PPFIA4: variants seen among roughly 807,000 people sequenced by gnomAD.
PPFIA4 encodes the protein liprin-alpha-4.
Under a neutral mutation model 145.7 loss-of-function variants are expected in PPFIA4, and 98 were observed. The observed-to-expected ratio is 0.67, with a 90% CI of 0.57 to 0.80. The LOEUF (loss-of-function observed/expected upper bound fraction) is 0.80, where lower values mean the gene tolerates loss of function less well. PPFIA4 is among the 30% of genes least tolerant of loss of function. PPFIA4 has a pLI of 0.00. For missense variants in PPFIA4, 1,457 were observed against 1,632.7 expected (o/e 0.89, Z 1.85); for synonymous variants, 628 against 649.6 (o/e 0.97, Z 0.51).
At chr1:203,046,418 C>A in intron 9 of PPFIA4, 36 bp downstream of exon 9, 3 of 1,554,210 alleles carry the variant, frequency 1.9e-6, no homozygotes, top group Non-Finnish European at 2.6e-6. Flanking sequence ...TGCCTCTGTC[C>A]CCCATGTTCT....
intron 2 of PPFIA4, among the ~76,000 whole-genome samples, chr1:203,040,318 C>T (rs553560153): frequency 6.6e-5 from 10 of 152,314 alleles, no homozygotes; most frequent in Non-Finnish European, 1.3e-4. Flanking sequence ...CCAGTGGGGG[C>T]GCTGCTGGGG....
chr1:203,060,929 A>T lies in PPFIA4; in HGVS notation c.2785-41A>T. The T allele has an allele frequency of 6.3e-7, 1 of 1,585,808 alleles. No homozygotes were observed. The highest frequency in any genetic ancestry group is 1.3e-5 in the African/African-American group (1 of 74,452). On this transcript the variant is annotated intron_variant, in intron 22 of 29. Transcript: ENST00000295706. This position sits in a 1 kb window ranked among gnomAD's most constrained non-coding sequence, Gnocchi z 4.8. ...TCCCAGCCTGATGGGGATCCTGGGG[A>T]CCCACACCCAGGACCAGCTAGGTTT... is the stretch of plus-strand genomic sequence containing the variant.
At chr1:203,046,446 G>A in intron 9 of PPFIA4, 64 bp downstream of exon 9, 4 of 1,506,458 alleles carry the variant, frequency 2.7e-6, no homozygotes, top group Non-Finnish European at 3.6e-6. Flanking sequence ...CAGGGAGCCA[G>A]GCAGGGAAGG....
rs756034486 is a variant in PPFIA4 at position 203,044,785 on chromosome 1, G to A, written c.666G>A (p.Lys222=). 5.8e-6 allele frequency: 9 copies of A among 1,559,532 alleles called. No individual in the cohort carries two copies. In the East Asian group the frequency reaches 7.2e-5, roughly 12 times the overall value. The part of the protein sequence containing the change: ...TVELGPKRLW[K]EDTGRVEELQ... ...AGCTGGGGCCGAAACGCCTGTGGAA[G>A]GTAGGTCATGGAGAGCTGTGTAGCA... Residue 222 remains lysine (K), a splice_region_variant and synonymous_variant, in exon 6 of 30, where the codon AAG becomes AAA. Transcript: ENST00000295706.
Position 203,063,861 on chromosome 1 carries a change from A to T in PPFIA4, c.2908A>T (p.Ile970Phe), listed in dbSNP as rs777940451. 2.5e-6 allele frequency: 4 copies of T among 1,613,982 alleles called. No individual in the cohort carries two copies. In the East Asian group the frequency reaches 8.9e-5, roughly 36 times the overall value. Residue 970 changes from isoleucine (I) to phenylalanine (F), a missense_variant, in exon 25 of 30, where the codon ATT (isoleucine) becomes TTT (phenylalanine). Physicochemically the swap from Ile to Phe is conservative, Grantham distance 21. Transcript: ENST00000295706. ...CTATGGGGACATGAACCATGAGTGGATTGGGAATGAATGGCTACCCAGCCT... is the reference window on the plus strand; with the variant it reads ...CTATGGGGACATGAACCATGAGTGGTTTGGGAATGAATGGCTACCCAGCCT... ...LAYGDMNHEWIGNEWLPSLGL... is the reference protein window; with the variant it reads ...LAYGDMNHEWFGNEWLPSLGL...
In PPFIA4 at chr1:203,049,898, C is replaced by A. The variant is rs1029083546; in HGVS notation, c.1511+131C>A. The A allele has an allele frequency of 3.9e-6, 3 of 760,960 alleles. No individual in the cohort carries two copies. The Admixed American group carries it at 1.2e-4, about 30-fold the overall frequency. 47.1% of individuals were successfully genotyped at this position (760,960 alleles called of 1,614,324 possible). On this transcript the variant is annotated intron_variant, in intron 13 of 29. Transcript: ENST00000295706. ...TCCTGTTCAGGGTGGGACACTGAGG[C>A]TCAGATAACTTGGTCAGAGTCACCC...
chr1:203,045,185 T>C (rs1659981720), intron 6 of PPFIA4, among the ~76,000 whole-genome samples, 183 bp from the exon 7 acceptor site: 1 of 152,104 alleles, frequency 6.6e-6, no homozygotes, highest in Non-Finnish European at 1.5e-5. Flanking sequence ...TGTTTGGTCA[T>C]TGTCAGGAGT....
At position 203,045,894 on chromosome 1, in the gene PPFIA4, C is replaced by T; in HGVS notation, c.912C>T (p.Arg304=). 6.2e-7 allele frequency: 1 copy of T among 1,612,866 alleles called. No individual in the cohort carries two copies. The highest frequency in any genetic ancestry group is 2.2e-5 in the East Asian group (1 of 44,866). The change falls in exon 8 of 30, where the codon CGC becomes CGT. Residue 304 remains arginine, a synonymous_variant. Coordinates refer to ENST00000295706, the MANE Select transcript of PPFIA4 (RefSeq NM_001304331.2). ...AGCGGATTACTACACTGGAGAAGCGCTACCTGGCTGCTCAGCGTGAGGCAA... is the reference window on the plus strand; with the variant it reads ...AGCGGATTACTACACTGGAGAAGCGTTACCTGGCTGCTCAGCGTGAGGCAA... ...MEERITTLEK[R]YLAAQREATS...
At chr1:203,035,612 T>A (rs1302587003) in intron 1 of PPFIA4, 1 of 456,710 alleles carries the variant, frequency 2.2e-6, no homozygotes, top group Non-Finnish European at 4.4e-6. Flanking sequence ...CTTTGGGGAC[T>A]GGCAGCTTTC....
Position 203,045,974 on chromosome 1 carries a change from C to G in PPFIA4, c.992C>G (p.Ser331Cys). 1.2e-6 allele frequency: 2 copies of G among 1,612,688 alleles called. No individual in the cohort carries two copies. Among genetic ancestry groups the G allele is most frequent in the Non-Finnish European group, 1.7e-6 (2 of 1,179,868 alleles). Reference sequence around the variant, plus strand: ...GAGAATGAGCTGGCCAACAAGGAGTCCCTGCACCGCCAGGTACCTCCTCAG... The same window carrying G: ...GAGAATGAGCTGGCCAACAAGGAGTGCCTGCACCGCCAGGTACCTCCTCAG... ...KLENELANKESLHRQCEEKAR... is the reference protein window; with the variant it reads ...KLENELANKECLHRQCEEKAR... The change falls in exon 8 of 30, where the codon TCC (serine) becomes TGC (cysteine). Residue 331 changes from serine to cysteine, a missense_variant. Physicochemically the swap from Ser to Cys is moderately radical, Grantham distance 112. Coordinates refer to ENST00000295706, the MANE Select transcript of PPFIA4 (RefSeq NM_001304331.2).
chr1:203,031,125 A>T (rs749909520), intron 1 of PPFIA4, among the ~76,000 whole-genome samples: 8 of 151,796 alleles, frequency 5.3e-5, no homozygotes, highest in Non-Finnish European at 1.0e-4. Context: ...TGGCATGATC[A>T]TGGCTCACTG....
At chr1:203,051,029 G>A (rs972729934) in intron 13 of PPFIA4, among the ~76,000 whole-genome samples, 1 of 152,050 alleles carries the variant, frequency 6.6e-6, no homozygotes, top group Non-Finnish European at 1.5e-5. Context: ...GTCTGTTGTA[G>A]GCTCACTGTG....
chr1:203,058,608 TAAAAG>T (rs1300446837), intron 19 of PPFIA4, among the ~76,000 whole-genome samples: 1 of 152,174 alleles, frequency 6.6e-6, no homozygotes, highest in Non-Finnish European at 1.5e-5. Context: ...GACCGGGACT[TAAAAG>T]AATTCTAAGA....
In PPFIA4 at chr1:203,055,629, G is replaced by T. The variant is rs763076240; in HGVS notation, c.2027G>T (p.Arg676Leu). The T allele has an allele frequency of 1.2e-5, 20 of 1,613,856 alleles. No homozygotes were observed. The highest frequency in any genetic ancestry group is 1.3e-5 in the African/African-American group (1 of 74,910). Reference sequence around the variant, plus strand: ...CGCTCCACACCTAAGCTCACCTCCCGCAGTGCTGCCCAGGACCTGGACCGA... The same window carrying T: ...CGCTCCACACCTAAGCTCACCTCCCTCAGTGCTGCCCAGGACCTGGACCGA... The part of the protein sequence containing the change: ...SGRSTPKLTS[R>L]SAAQDLDRMG... Residue 676 changes from arginine to leucine, a missense_variant, in exon 16 of 30, where the codon CGC becomes CTC. Physicochemically the swap from Arg to Leu is moderately radical, Grantham distance 102. Coordinates refer to ENST00000295706, the MANE Select transcript of PPFIA4 (RefSeq NM_001304331.2). The surrounding 1 kb of genome is among the most constrained non-coding windows in gnomAD (Gnocchi z 4.8).
intron 1 of PPFIA4, among the ~76,000 whole-genome samples, chr1:203,028,036 G>A (rs971928199): frequency 6.6e-6 from 1 of 152,208 alleles, no homozygotes; most frequent in African/African-American, 2.4e-5. Flanking sequence ...GCTTGAGGAG[G>A]CTTCGTGGGG....
intron 19 of PPFIA4, among the ~76,000 whole-genome samples, chr1:203,058,151 G>C (rs947091744): frequency 1.3e-5 from 2 of 152,128 alleles, no homozygotes; most frequent in Admixed American, 1.3e-4. Context: ...TGCATAATTA[G>C]ACCTTTCTGC....
intron 27 of PPFIA4, among the ~76,000 whole-genome samples, chr1:203,069,266 TC>T (rs899897951): frequency 1.3e-5 from 2 of 152,218 alleles, no homozygotes; most frequent in Admixed American, 6.5e-5. Flanking sequence ...CTTTCTAACT[TC>T]CTGTGGGTAA....
chr1:203,061,826 C>T, intron 24 of PPFIA4, 148 bp downstream of exon 24: 2 of 789,714 alleles, frequency 2.5e-6, no homozygotes, highest in Non-Finnish European at 3.8e-6. Context: ...GTGCCCCCCG[C>T]CCCCACCCAG....
chr1:203,034,219 A>T (rs780680435), intron 1 of PPFIA4, among the ~76,000 whole-genome samples: 8 of 152,218 alleles, frequency 5.3e-5, no homozygotes, highest in Non-Finnish European at 1.2e-4. Flanking sequence ...TAAGCTCATG[A>T]GACCAACATG....
Sources: allele counts gnomAD v4.1 joint callset (sites outside exome capture counted in the v4.1 genomes callset), GRCh38; gene constraint gnomAD v4.1.1; non-coding constraint Gnocchi (gnomAD v3.1); transcripts MANE v1.5; gene names NCBI Gene and HGNC (gene_info 2026-07-23, HGNC 2026-07-21).